Variants in RAB2A observed in about 807,000 individuals in gnomAD.
RAB2A encodes the protein ras-related protein Rab-2A.
In RAB2A, 7 loss-of-function variants were observed where a neutral mutation model predicts 32.5. The observed-to-expected ratio is 0.22, with a 90% CI of 0.12 to 0.40. RAB2A has a LOEUF of 0.40. Ranked by LOEUF, RAB2A falls within the 10% of genes least tolerant of loss-of-function variation. RAB2A has a pLI of 1.00. For synonymous variants in RAB2A, 79 were observed against 85.2 expected, an observed-to-expected ratio of 0.93 and a Z score of 0.40; for missense variants, 108 against 260.7, an observed-to-expected ratio of 0.41 and a Z score of 4.03.
At chr8:60,593,421 C>A (rs181852512) in intron 6 of RAB2A, among the ~76,000 whole-genome samples, 90 of 152,258 alleles carry the variant, frequency 5.9e-4, no homozygotes, top group African/African-American at 2.1e-3. Flanking sequence ...AAAAGAAAGT[C>A]TTCTAGCCAG....
rs1226360984 is a variant in RAB2A at position 60,621,436 on chromosome 8, G to A, written c.*667G>A. The A allele has an allele frequency of 6.6e-6, 1 of 152,128 alleles. No homozygotes were observed. The highest frequency in any genetic ancestry group is 1.5e-5 in the Non-Finnish European group (1 of 68,012). 9.4% of individuals were successfully genotyped at this position (152,128 alleles called of 1,614,324 possible). Reference sequence around the variant, plus strand: ...CTAGTCCAAGAAAAATATGCTTAATGTATATTACAAAGGCTTTGTATATGT... The same window carrying A: ...CTAGTCCAAGAAAAATATGCTTAATATATATTACAAAGGCTTTGTATATGT... On this transcript the variant is annotated 3_prime_UTR_variant, in exon 8 of 8. Transcript: ENST00000262646.
intron 1 of RAB2A, among the ~76,000 whole-genome samples, chr8:60,535,011 G>C (rs1807536640): frequency 6.6e-6 from 1 of 151,888 alleles, no homozygotes; most frequent in Admixed American, 6.6e-5. Flanking sequence ...AATCATGTTG[G>C]ACTTAAGTGT....
In RAB2A at chr8:60,591,971, T is replaced by A; in HGVS notation, c.474+2T>A. 6.5e-7 allele frequency: 1 copy of A among 1,545,946 alleles called. No individual in the cohort carries two copies. The highest frequency in any genetic ancestry group is 8.9e-7 in the Non-Finnish European group (1 of 1,126,686). ...AAGACTGCTTCCAATGTAGAAGAGG[T>A]AAATAAGAGGCCCTTTAAAATCTTC... On this transcript the variant is annotated splice_donor_variant, in intron 6 of 7. Coordinates refer to ENST00000262646, the MANE Select transcript of RAB2A (RefSeq NM_002865.3). LOFTEE classifies it high-confidence loss of function.
intron 2 of RAB2A, among the ~76,000 whole-genome samples, chr8:60,571,472 T>A (rs1808196326): frequency 6.6e-6 from 1 of 152,198 alleles, no homozygotes; most frequent in Non-Finnish European, 1.5e-5. Flanking sequence ...AAAAGCAAAT[T>A]GCAGAGCAGC....
At chr8:60,594,094 T>G (rs1313322887) in intron 6 of RAB2A, among the ~76,000 whole-genome samples, 1 of 152,064 alleles carries the variant, frequency 6.6e-6, no homozygotes, top group Admixed American at 6.6e-5. Context: ...GAGAGAAAAT[T>G]GAGGAAACAA....
chr8:60,563,537 G>A (rs1274926744), intron 2 of RAB2A, among the ~76,000 whole-genome samples: 1 of 152,080 alleles, frequency 6.6e-6, no homozygotes, highest in African/African-American at 2.4e-5. Context: ...TATGTGCTTT[G>A]CCTTGTGCAC....
chr8:60,521,354 G>A (rs1807299995), intron 1 of RAB2A, among the ~76,000 whole-genome samples: 1 of 152,136 alleles, frequency 6.6e-6, no homozygotes, highest in Non-Finnish European at 1.5e-5. Context: ...GAGTAATCTG[G>A]GATAGAGACT....
chr8:60,611,124 C>T (rs191963413), intron 6 of RAB2A, among the ~76,000 whole-genome samples: 40 of 152,306 alleles, frequency 2.6e-4, no homozygotes, highest in African/African-American at 9.1e-4. Context: ...CATTCATTCT[C>T]GTTGCCACCA....
At chr8:60,575,226 G>GTAGC (rs1401748446) in intron 3 of RAB2A, among the ~76,000 whole-genome samples, 1 of 151,604 alleles carries the variant, frequency 6.6e-6, no homozygotes, top group Non-Finnish European at 1.5e-5. Context: ...AGCCTCTTGA[G>GTAGC]TAGCTGGGAC....
At chr8:60,541,698 A>G (rs1437110381) in intron 1 of RAB2A, among the ~76,000 whole-genome samples, 1 of 152,208 alleles carries the variant, frequency 6.6e-6, no homozygotes, top group Non-Finnish European at 1.5e-5. Flanking sequence ...CCATTGTGTA[A>G]CCAGTTAAGG....
Position 60,620,726 on chromosome 8 carries a change from C to T in RAB2A, c.596C>T (p.Ala199Val). 1 of 1,613,828 alleles carries T rather than the reference C, an allele frequency of 6.2e-7. No homozygotes were observed. Among genetic ancestry groups the T allele is most frequent in the African/African-American group, 1.3e-5 (1 of 75,030 alleles). Residue 199 changes from alanine to valine, a missense_variant, in exon 8 of 8, where the codon GCA (alanine) becomes GTA (valine). Around this residue, in one of 4 missense-constraint regions of RAB2A, gnomAD observed 24 missense variants for 23.2 expected, o/e 1.04. Coordinates refer to ENST00000262646, the MANE Select transcript of RAB2A (RefSeq NM_002865.3). Reference protein sequence around the residue: ...PQHAATNATHAGNQGGQQAGG... With the variant: ...PQHAATNATHVGNQGGQQAGG... ...CATGCTGCTACCAATGCAACACATGCAGGCAATCAGGGAGGACAGCAGGCT... is the reference window on the plus strand; with the variant it reads ...CATGCTGCTACCAATGCAACACATGTAGGCAATCAGGGAGGACAGCAGGCT...
intron 4 of RAB2A, 149 bp from the exon 5 acceptor site, chr8:60,584,574 C>T: frequency 1.5e-6 from 1 of 657,500 alleles, no homozygotes; most frequent in African/African-American, 1.8e-5. Context: ...AATCAGTGAA[C>T]TCTAAACCCA....
chr8:60,561,652 A>C (rs1808027430), intron 2 of RAB2A, among the ~76,000 whole-genome samples: 1 of 152,190 alleles, frequency 6.6e-6, no homozygotes, highest in Non-Finnish European at 1.5e-5. Context: ...AGGAGAGCAG[A>C]GATTCTCTTT....
chr8:60,598,199 C>T (rs1473447428), intron 6 of RAB2A, among the ~76,000 whole-genome samples: 2 of 151,668 alleles, frequency 1.3e-5, no homozygotes, highest in Non-Finnish European at 2.9e-5. Context: ...CTACGTCTCA[C>T]AAAAAAGAAA....
rs1395460582 is a variant in RAB2A at position 60,621,118 on chromosome 8, T to C, written c.*349T>C. The C allele has an allele frequency of 1.6e-5, 3 of 183,298 alleles. No homozygotes were observed. Among genetic ancestry groups the C allele is most frequent in the Non-Finnish European group, 3.4e-5 (3 of 87,618 alleles). The allele number at this position is 183,298 out of a possible 1,614,324, so 11.4% of individuals were successfully genotyped here. ...TTGTGTAGTTAGGTTTCCCAACATC[T>C]GTGGTTACCTAATGTTTAATATTAT... On this transcript the variant is annotated 3_prime_UTR_variant, in exon 8 of 8. Transcript: ENST00000262646.
At chr8:60,572,347 A>G (rs2130840567) in intron 3 of RAB2A, among the ~76,000 whole-genome samples, 1 of 152,316 alleles carries the variant, frequency 6.6e-6, no homozygotes, top group South Asian at 2.1e-4. Flanking sequence ...TGTTCACGTT[A>G]TGTGGTCTAA....
intron 2 of RAB2A, among the ~76,000 whole-genome samples, chr8:60,569,573 C>T (rs969162517): frequency 3.3e-5 from 5 of 152,132 alleles, no homozygotes; most frequent in Non-Finnish European, 7.4e-5. Context: ...AGCAGTGGCA[C>T]GATCATGGCT....
intron 6 of RAB2A, among the ~76,000 whole-genome samples, chr8:60,598,971 A>AG (rs1563482797): frequency 5.1e-4 from 72 of 142,116 alleles, no homozygotes; most frequent in African/African-American, 1.8e-3. Context: ...AAAAAAGAAA[A>AG]GGCATACAAC....
intron 1 of RAB2A, among the ~76,000 whole-genome samples, chr8:60,544,149 T>G (rs1291688070): frequency 6.7e-6 from 1 of 149,708 alleles, no homozygotes; most frequent in East Asian, 2.0e-4. Context: ...TGAAGTGTAG[T>G]GGCGTGATCT....
Sources: gnomAD v4.1 joint callset for allele counts (sites outside exome capture counted in the v4.1 genomes callset) on GRCh38, gnomAD v4.1.1 for gene constraint, gnomAD v4.1.1 regional missense constraint, MANE v1.5 for transcripts, NCBI Gene and HGNC (gene_info 2026-07-23, HGNC 2026-07-21) for gene names.